Variants in CFAP52 observed in about 807,000 individuals in gnomAD.
The protein encoded by CFAP52 is cilia and flagella associated protein 52.
A neutral mutation model predicts 70.5 loss-of-function variants in CFAP52; 57 were observed. That is an observed-to-expected ratio of 0.81 (90% CI 0.65 to 1.01). The LOEUF (loss-of-function observed/expected upper bound fraction) is 1.01. Among genes scored for constraint, CFAP52 ranks in the 50% least tolerant of loss-of-function variants. CFAP52 has a pLI of 0.00. For missense variants in CFAP52, 785 were observed against 788.5 expected (o/e 1.00, Z 0.05); for synonymous variants, 267 against 292.5 (o/e 0.91, Z 0.89).
intron 3 of CFAP52, among the ~76,000 whole-genome samples, chr17:9,587,695 C>T (rs1206469416): frequency 6.6e-6 from 1 of 152,024 alleles, no homozygotes; most frequent in Non-Finnish European, 1.5e-5. Context: ...ATGTCCTTTG[C>T]CTGCTTTTTA....
chr17:9,591,473 T>C (rs573068529), intron 3 of CFAP52, among the ~76,000 whole-genome samples: 2 of 152,360 alleles, frequency 1.3e-5, no homozygotes, highest in Admixed American at 1.3e-4. Flanking sequence ...CACGTAGATA[T>C]AGATCTCATT....
At chr17:9,590,817 C>A (rs1908712762) in intron 3 of CFAP52, among the ~76,000 whole-genome samples, 1 of 150,118 alleles carries the variant, frequency 6.7e-6, no homozygotes, top group Non-Finnish European at 1.5e-5. Context: ...GGAAAACAAA[C>A]CTTGCTGTAC....
intron 10 of CFAP52, among the ~76,000 whole-genome samples, chr17:9,635,084 A>G (rs1040422661): frequency 6.6e-6 from 1 of 152,128 alleles, no homozygotes; most frequent in African/African-American, 2.4e-5. Context: ...GTGAATAGAC[A>G]TTATTTCACT....
chr17:9,603,835 T>C (rs1909376404), intron 6 of CFAP52, among the ~76,000 whole-genome samples: 1 of 152,128 alleles, frequency 6.6e-6, no homozygotes, highest in Non-Finnish European at 1.5e-5. Flanking sequence ...TGAAGTATAA[T>C]TTTTAAAAAA....
intron 6 of CFAP52, among the ~76,000 whole-genome samples, chr17:9,606,841 A>C (rs1015573359): frequency 1.3e-5 from 2 of 152,108 alleles, no homozygotes; most frequent in South Asian, 2.1e-4. Flanking sequence ...GTTAGGGGTG[A>C]GGGGTGGAAG....
At chr17:9,603,431 G>C (rs1364871000) in intron 6 of CFAP52, among the ~76,000 whole-genome samples, 1 of 152,106 alleles carries the variant, frequency 6.6e-6, no homozygotes, top group Non-Finnish European at 1.5e-5. Context: ...GGATGGTCTC[G>C]ATCTCCTGAC....
At chr17:9,577,027 G>A (rs761546633) in intron 1 of CFAP52, among the ~76,000 whole-genome samples, 12 of 152,136 alleles carry the variant, frequency 7.9e-5, no homozygotes, top group Non-Finnish European at 1.6e-4. Context: ...GGGACCAAAT[G>A]CCTCTTCCCC....
At chr17:9,635,009 A>G (rs557493645) in intron 10 of CFAP52, among the ~76,000 whole-genome samples, 22 of 152,326 alleles carry the variant, frequency 1.4e-4, no homozygotes, top group African/African-American at 5.3e-4. Context: ...AAGTTTAAAT[A>G]TAGCTCTGGG....
chr17:9,640,056 C>T (rs958748661), intron 12 of CFAP52, among the ~76,000 whole-genome samples: 5 of 151,838 alleles, frequency 3.3e-5, no homozygotes, highest in Admixed American at 2.6e-4. Context: ...CATTACAAAG[C>T]AAAAGAAAAA....
At chr17:9,594,899 T>TTG (rs1288607719) in intron 4 of CFAP52, among the ~76,000 whole-genome samples, 1 of 150,366 alleles carries the variant, frequency 6.7e-6, no homozygotes, top group Non-Finnish European at 1.5e-5. Flanking sequence ...GAGGGTTTTT[T>TTG]TTTTTTTTTT....
intron 7 of CFAP52, among the ~76,000 whole-genome samples, chr17:9,611,944 C>T (rs1909728525): frequency 6.6e-6 from 1 of 152,100 alleles, no homozygotes; most frequent in Non-Finnish European, 1.5e-5. Context: ...GCATCTTCCC[C>T]CTGATTTTAG....
chr17:9,586,117 T>C (rs1006492148), intron 2 of CFAP52, 145 bp downstream of exon 2: 4 of 858,036 alleles, frequency 4.7e-6, no homozygotes, highest in Admixed American at 5.5e-5. Flanking sequence ...TAACCCATTT[T>C]CATTCCGTCA....
chr17:9,596,907 G>A (rs1909043886), intron 4 of CFAP52, among the ~76,000 whole-genome samples: 1 of 152,022 alleles, frequency 6.6e-6, no homozygotes, highest in South Asian at 2.1e-4. Flanking sequence ...AATAGAGACG[G>A]GGTTTTCACC....
At chr17:9,639,086 G>A in intron 12 of CFAP52, 1 of 204,038 alleles carries the variant, frequency 4.9e-6, no homozygotes. Context: ...AGACAGAAAG[G>A]CAATAGAGCT....
rs190327138 is a variant in CFAP52, at chr17:9,588,268, G to A, written c.407+1434G>A. Among the ~76,000 whole-genome samples, 166 of 152,280 alleles carry A rather than the reference G, an allele frequency of 1.1e-3. 1 individual carries two copies. The highest frequency in any genetic ancestry group is 3.9e-3 in the African/African-American group (161 of 41,554). ...CTGTTAAAGGGATAATTGCCCTGTG[G>A]ACACTGTGCAGGTGCCCTGGCGCCC... On this transcript the variant is annotated intron_variant, in intron 3 of 13. Coordinates refer to ENST00000352665, the MANE Select transcript of CFAP52 (RefSeq NM_145054.5).
chr17:9,615,133 G>A (rs1909855324), intron 8 of CFAP52, among the ~76,000 whole-genome samples: 1 of 152,150 alleles, frequency 6.6e-6, no homozygotes, highest in African/African-American at 2.4e-5. Context: ...TAGAATAAAT[G>A]TATGGTACTG....
At position 9,626,765 on chromosome 17, in the gene CFAP52, C is replaced by T. The variant is rs73253895; in HGVS notation, c.1026-1907C>T. On this transcript the variant is annotated intron_variant, in intron 8 of 13. Transcript: ENST00000352665. Reference sequence around the variant, plus strand: ...TCACATCTGTTGTCTCATTCCAGCACTTACTCTTTCTAACTAAGTAGTCCA... The same window carrying T: ...TCACATCTGTTGTCTCATTCCAGCATTTACTCTTTCTAACTAAGTAGTCCA... Among the ~76,000 whole-genome samples, 772 of 152,334 alleles carry T rather than the reference C, an allele frequency of 5.1e-3. 7 individuals are homozygous for T. Among genetic ancestry groups the T allele is most frequent in the African/African-American group, 0.017 (710 of 41,572 alleles).
At chr17:9,589,098 G>A (rs536826765) in intron 3 of CFAP52, among the ~76,000 whole-genome samples, 1 of 152,196 alleles carries the variant, frequency 6.6e-6, no homozygotes, top group Non-Finnish European at 1.5e-5. Context: ...CAAGACTCCA[G>A]CTGAAAATAA....
chr17:9,591,497 G>A (rs1383648115), intron 3 of CFAP52, among the ~76,000 whole-genome samples: 1 of 152,134 alleles, frequency 6.6e-6, no homozygotes, highest in Non-Finnish European at 1.5e-5. Flanking sequence ...TGCCATAATA[G>A]CATAGTATTC....
Sources: allele counts gnomAD v4.1 joint callset (sites outside exome capture counted in the v4.1 genomes callset), GRCh38; gene constraint gnomAD v4.1.1; transcripts MANE v1.5; gene names NCBI Gene and HGNC (gene_info 2026-07-23, HGNC 2026-07-21).